Variants in CNTNAP3B observed in about 807,000 individuals in gnomAD.
The protein encoded by CNTNAP3B is contactin associated protein family member 3B, also known as contactin-associated protein-like 3B.
Under a neutral mutation model 108.9 loss-of-function variants are expected in CNTNAP3B, and 25 were observed. The observed-to-expected ratio is 0.23, with a 90% confidence interval of 0.17 to 0.32. The LOEUF (loss-of-function observed/expected upper bound fraction) is 0.32, where lower values mean the gene tolerates loss of function less well. Among genes scored for constraint, CNTNAP3B ranks in the 10% least tolerant of loss-of-function variants. The pLI is 1.00. For missense variants in CNTNAP3B, 252 were observed against 1,210.4 expected (o/e 0.21, Z 11.75); for synonymous variants, 103 against 473.4 (o/e 0.22, Z 10.16).
At chr9:41,947,579 T>C (rs1824563074) in intron 13 of CNTNAP3B, among the ~76,000 whole-genome samples, 1 of 152,254 alleles carries the variant, frequency 6.6e-6, no homozygotes, top group Admixed American at 6.5e-5. Flanking sequence ...ATGCCTACAT[T>C]AGGAAAGAAG....
chr9:42,078,427 A>C (rs1827536317), intron 2 of CNTNAP3B, among the ~76,000 whole-genome samples: 1 of 140,318 alleles, frequency 7.1e-6, no homozygotes. Context: ...CTCTGAATGT[A>C]CGATAAGCAC....
At chr9:42,066,149 C>T (rs1322436063) in intron 3 of CNTNAP3B, among the ~76,000 whole-genome samples, 1 of 136,878 alleles carries the variant, frequency 7.3e-6, no homozygotes, top group African/African-American at 2.9e-5. Flanking sequence ...AGAGGATTAA[C>T]ATCTTTACAT....
intron 3 of CNTNAP3B, among the ~76,000 whole-genome samples, chr9:42,051,797 T>C (rs1453722317): frequency 2.0e-5 from 3 of 151,984 alleles, no homozygotes; most frequent in African/African-American, 7.3e-5. Flanking sequence ...TCTTGGGATA[T>C]TTTTCAGTAA....
intron 10 of CNTNAP3B, among the ~76,000 whole-genome samples, chr9:41,966,501 TG>T (rs1825278900): frequency 6.6e-6 from 1 of 151,958 alleles, no homozygotes; most frequent in African/African-American, 2.4e-5. Flanking sequence ...AGGGCAGGAG[TG>T]GGGTCAGCAG....
At chr9:42,120,737 C>T (rs1402006988) in intron 1 of CNTNAP3B, among the ~76,000 whole-genome samples, 1 of 129,944 alleles carries the variant, frequency 7.7e-6, no homozygotes, top group South Asian at 2.5e-4. Context: ...AAACCAAACA[C>T]CGCATGTTCT....
intron 3 of CNTNAP3B, among the ~76,000 whole-genome samples, chr9:42,049,556 T>C (rs1419726722): frequency 2.2e-5 from 3 of 134,166 alleles, no homozygotes; most frequent in Non-Finnish European, 4.7e-5. Flanking sequence ...GCGGGTGGGG[T>C]CCCTATTCAT....
chr9:41,942,637 A>T (rs1018285565), intron 13 of CNTNAP3B, among the ~76,000 whole-genome samples: 59 of 127,580 alleles, frequency 4.6e-4, no homozygotes, highest in Non-Finnish European at 6.3e-4. Context: ...TAAAAACATT[A>T]AAAAAAAAAG....
chr9:41,925,890 G>A (rs1458610686), intron 15 of CNTNAP3B, among the ~76,000 whole-genome samples: 1 of 152,240 alleles, frequency 6.6e-6, no homozygotes, highest in Non-Finnish European at 1.5e-5. Flanking sequence ...AAGGAGTCGT[G>A]GTTTCTTTTT....
At chr9:41,954,238 G>C (rs1346295536) in intron 12 of CNTNAP3B, among the ~76,000 whole-genome samples, 1 of 152,200 alleles carries the variant, frequency 6.6e-6, no homozygotes, top group African/African-American at 2.4e-5. Flanking sequence ...ATTTGTATGG[G>C]GATTTTTTAA....
chr9:42,107,567 G>A lies in CNTNAP3B; in HGVS notation c.86-2828C>T, dbSNP rs1397748472. Among the ~76,000 whole-genome samples the A allele has an allele frequency of 3.2e-5, 4 of 123,648 alleles. 1 individual carries two copies. The highest frequency in any genetic ancestry group is 6.8e-5 in the African/African-American group (2 of 29,582). 81.1% of individuals were successfully genotyped at this position (123,648 alleles called of 152,430 possible). A position where few individuals can be genotyped will look rare whatever the true frequency, so the allele number is the denominator to read the frequency against. ...AAAGACAGCTGGAAACAAAATTGCT[G>A]AAATTTTCCATTTCGCCTTTGGAAA... On this transcript the variant is annotated intron_variant, in intron 1 of 23. Transcript: ENST00000377561.
At chr9:42,058,329 C>T (rs1223498177) in intron 3 of CNTNAP3B, among the ~76,000 whole-genome samples, 3 of 152,070 alleles carry the variant, frequency 2.0e-5, no homozygotes, top group South Asian at 2.1e-4. Flanking sequence ...ACATTGCCAC[C>T]AACAGTATAC....
At chr9:42,061,088 G>C (rs1054652633) in intron 3 of CNTNAP3B, among the ~76,000 whole-genome samples, 3 of 98,838 alleles carry the variant, frequency 3.0e-5, no homozygotes, top group Admixed American at 1.1e-4. Flanking sequence ...AGTTCCTTGG[G>C]GTGTAATGTT....
In CNTNAP3B at chr9:42,056,478, G is replaced by A. The variant is rs1332622181; in HGVS notation, c.390+20391C>T. 5.1e-5 allele frequency among the ~76,000 whole-genome samples: 7 copies of A among 136,966 alleles called. 2 individuals are homozygous for A. The highest frequency in any genetic ancestry group is 1.6e-5 in the Non-Finnish European group (1 of 64,308). The allele number at this position is 136,966 out of a possible 152,430, so 89.9% of individuals were successfully genotyped here. A position where few individuals can be genotyped will look rare whatever the true frequency, so the allele number is the denominator to read the frequency against. ...GCATTCTCCTTCCTCAGCCTCCTGA[G>A]TAGCTGGGACTACAGGCGCCCGCCA... On this transcript the variant is annotated intron_variant, in intron 3 of 23. Transcript: ENST00000377561.
chr9:41,933,040 A>G (rs1344800465), intron 14 of CNTNAP3B, among the ~76,000 whole-genome samples: 2 of 152,308 alleles, frequency 1.3e-5, no homozygotes, highest in African/African-American at 4.8e-5. Context: ...TATCTTGCTT[A>G]TCCTTTCATC....
intron 3 of CNTNAP3B, among the ~76,000 whole-genome samples, chr9:42,031,181 A>G (rs1157119300): frequency 2.3e-5 from 2 of 86,346 alleles, no homozygotes; most frequent in Non-Finnish European, 2.3e-5. Context: ...TACTATATGA[A>G]AACTTTTAAA....
chr9:42,125,914 A>G (rs377704438), intron 1 of CNTNAP3B, among the ~76,000 whole-genome samples: 1,965 of 131,134 alleles, frequency 0.015, 273 homozygotes, highest in South Asian at 0.058. Flanking sequence ...CACCGTGCCC[A>G]GCCTGAACTC....
intron 9 of CNTNAP3B, among the ~76,000 whole-genome samples, chr9:41,972,952 TTTG>T (rs1825449003): frequency 1.3e-5 from 1 of 77,596 alleles, no homozygotes; most frequent in Non-Finnish European, 2.7e-5. Context: ...TTTTTTTTTT[TTTG>T]AGACCTGAGT....
chr9:41,930,337 G>A (rs1823941562), intron 14 of CNTNAP3B, among the ~76,000 whole-genome samples: 1 of 152,284 alleles, frequency 6.6e-6, no homozygotes, highest in Non-Finnish European at 1.5e-5. Context: ...GAGCTCTGGA[G>A]TTCGAAACCA....
rs1491259532 is a variant in CNTNAP3B at position 41,934,130 on chromosome 9, C to CACATATATATATATACACAT, written c.2237+4113_2237+4114insATGTGTATATATATATATGT. On this transcript the variant is annotated intron_variant, in intron 14 of 23. Transcript: ENST00000377561. The stretch of plus-strand genomic sequence containing the variant: ...ATATATATATATATATATACACACA[C>CACATATATATATATACACAT]ATATATATATACACACACATATATA... 3.7e-4 allele frequency among the ~76,000 whole-genome samples: 43 copies of CACATATATATATATACACAT among 116,476 alleles called. 1 individual carries two copies. Among genetic ancestry groups the CACATATATATATATACACAT allele is most frequent in the African/African-American group, 1.4e-3 (42 of 29,734 alleles). The allele number at this position is 116,476 out of a possible 152,430, so 76.4% of individuals were successfully genotyped here. A position where few individuals can be genotyped will look rare whatever the true frequency, so the allele number is the denominator to read the frequency against.
Sources: gnomAD v4.1 joint callset for allele counts (sites outside exome capture counted in the v4.1 genomes callset) on GRCh38, gnomAD v4.1.1 for gene constraint, MANE v1.5 for transcripts, NCBI Gene and HGNC (gene_info 2026-07-23, HGNC 2026-07-21) for gene names.